The following GALNT13 variants were observed in gnomAD, a reference collection of about 807,000 sequenced individuals.
The protein encoded by GALNT13 is polypeptide N-acetylgalactosaminyltransferase 13, also known as UDP-GalNAc:polypeptide N-acetylgalactosaminyltransferase 13.
A neutral mutation model predicts 64.2 loss-of-function variants in GALNT13; 28 were observed. The ratio of observed to expected loss-of-function variants is 0.44; its 90% CI spans 0.32 to 0.60. The LOEUF is 0.60. Ranked by LOEUF, GALNT13 falls within the 20% of genes least tolerant of loss-of-function variation. The pLI is 0.05. For synonymous variants in GALNT13, 214 were observed against 224.6 expected, an observed-to-expected ratio of 0.95 and a Z score of 0.42; for missense variants, 577 against 669.8, an observed-to-expected ratio of 0.86 and a Z score of 1.53.
intron 4 of GALNT13, among the ~76,000 whole-genome samples, chr2:154,199,841 T>G (rs1297985229): frequency 5.3e-5 from 8 of 152,070 alleles, no homozygotes; most frequent in Non-Finnish European, 1.0e-4. Flanking sequence ...TAAGTAATCT[T>G]TTATCTGAAC....
chr2:154,239,608 A>C (rs923642637), intron 4 of GALNT13, among the ~76,000 whole-genome samples: 2 of 152,214 alleles, frequency 1.3e-5, no homozygotes, highest in Admixed American at 6.5e-5. Flanking sequence ...GATGAAGTTC[A>C]TAGAAATCTT....
At chr2:153,566,348 G>GTTTTTTTTTTTTT in the GALNT13 span, among the ~76,000 whole-genome samples, 119 of 74,784 alleles carry the variant, frequency 1.6e-3, 4 homozygotes, top group African/African-American at 3.2e-3. Context: ...TTCTAATCAC[G>GTTTTTTTTTTTTT]TTTTTTTTTT....
At chr2:153,609,896 C>T in the GALNT13 span, among the ~76,000 whole-genome samples, 14 of 152,032 alleles carry the variant, frequency 9.2e-5, no homozygotes, top group Admixed American at 2.0e-4. Flanking sequence ...AACCAAGTCA[C>T]GATGCAGCAA....
the GALNT13 span, among the ~76,000 whole-genome samples, chr2:153,783,655 G>C: frequency 6.6e-6 from 1 of 152,066 alleles, no homozygotes; most frequent in Admixed American, 6.6e-5. Context: ...CATGTGTCAA[G>C]GGCGGGACCA....
chr2:153,705,686 G>T, the GALNT13 span, among the ~76,000 whole-genome samples: 1 of 152,156 alleles, frequency 6.6e-6, no homozygotes, highest in African/African-American at 2.4e-5. Context: ...CACATTTCAG[G>T]CCTTTGATCC....
the GALNT13 span, among the ~76,000 whole-genome samples, chr2:153,459,129 G>A: frequency 1.3e-5 from 2 of 152,062 alleles, no homozygotes; most frequent in Non-Finnish European, 2.9e-5. Context: ...TGGATAAAAT[G>A]TGAGAGGAAT....
chr2:153,538,310 CTTTTTTTTTTTAATTCTT>C, the GALNT13 span, among the ~76,000 whole-genome samples: 2 of 64,552 alleles, frequency 3.1e-5, no homozygotes, highest in African/African-American at 9.2e-5. Flanking sequence ...AATTTCTTTT[CTTTTTTTTTTTAATTCTT>C]TTTTTTTTTT....
the GALNT13 span, among the ~76,000 whole-genome samples, chr2:153,836,762 G>GT: frequency 6.6e-6 from 1 of 150,518 alleles, no homozygotes; most frequent in Admixed American, 6.7e-5. Flanking sequence ...GCGGTGTTTG[G>GT]TTTTTTGTCC....
intron 3 of GALNT13, among the ~76,000 whole-genome samples, chr2:154,065,562 C>A (rs770316768): frequency 9.9e-5 from 15 of 152,200 alleles, no homozygotes; most frequent in Non-Finnish European, 1.5e-4. Flanking sequence ...AGAGAACAAG[C>A]ATCTCTGCCT....
chr2:153,941,059 A>G (rs1691304321), intron 2 of GALNT13, among the ~76,000 whole-genome samples: 1 of 152,164 alleles, frequency 6.6e-6, no homozygotes, highest in South Asian at 2.1e-4. Context: ...TATATTTAAC[A>G]TCAAAATTTT....
the GALNT13 span, among the ~76,000 whole-genome samples, chr2:153,366,033 C>T: frequency 6.6e-6 from 1 of 152,138 alleles, no homozygotes; most frequent in East Asian, 1.9e-4. Flanking sequence ...AAATGTTATA[C>T]ATGTACACCA....
chr2:153,199,071 T>C, the GALNT13 span, among the ~76,000 whole-genome samples: 4 of 152,164 alleles, frequency 2.6e-5, no homozygotes, highest in Non-Finnish European at 5.9e-5. Context: ...TCTGTAACAA[T>C]AGTGTTGACC....
the GALNT13 span, among the ~76,000 whole-genome samples, chr2:153,585,322 GAAGA>G: frequency 6.6e-6 from 1 of 152,128 alleles, no homozygotes; most frequent in African/African-American, 2.4e-5. Flanking sequence ...TGACCAAGGA[GAAGA>G]AAGAATTTCA....
At chr2:153,073,280 A>T in the GALNT13 span, among the ~76,000 whole-genome samples, 1 of 152,054 alleles carries the variant, frequency 6.6e-6, no homozygotes, top group Non-Finnish European at 1.5e-5. Flanking sequence ...CATCTAGCAG[A>T]TTATTCTGAA....
At chr2:153,709,827 T>C in the GALNT13 span, among the ~76,000 whole-genome samples, 1 of 152,042 alleles carries the variant, frequency 6.6e-6, no homozygotes, top group Non-Finnish European at 1.5e-5. Context: ...AGTTCTGTCA[T>C]TGTGACAACA....
chr2:153,835,217 A>T, the GALNT13 span, among the ~76,000 whole-genome samples: 1 of 152,028 alleles, frequency 6.6e-6, no homozygotes, highest in African/African-American at 2.4e-5. Flanking sequence ...TGAACCAAGC[A>T]TAAAACATTA....
intron 7 of GALNT13, among the ~76,000 whole-genome samples, chr2:154,250,084 T>C (rs1465148912): frequency 6.6e-6 from 1 of 152,080 alleles, no homozygotes; most frequent in Non-Finnish European, 1.5e-5. Flanking sequence ...TTACCTAGTC[T>C]TCTCAACTAT....
chr2:154,286,143 C>T (rs1461412347), intron 8 of GALNT13, among the ~76,000 whole-genome samples: 1 of 152,098 alleles, frequency 6.6e-6, no homozygotes, highest in Admixed American at 6.5e-5. Flanking sequence ...GAGATAATTT[C>T]ACTTCTTCTT....
At chr2:153,187,183 AT>A in the GALNT13 span, among the ~76,000 whole-genome samples, 1 of 152,234 alleles carries the variant, frequency 6.6e-6, no homozygotes, top group Non-Finnish European at 1.5e-5. Flanking sequence ...AATTGACATA[AT>A]AGCCATCATA....
Sources: allele counts gnomAD v4.1 joint callset (sites outside exome capture counted in the v4.1 genomes callset), GRCh38; gene constraint gnomAD v4.1.1; transcripts MANE v1.5; gene names NCBI Gene and HGNC (gene_info 2026-07-23, HGNC 2026-07-21).